PCDHA6: variants seen among roughly 807,000 people sequenced by gnomAD.
PCDHA6 encodes the protein protocadherin alpha-6.
PCDHA6 carries 55 observed loss-of-function variants against 60.3 expected under a neutral mutation model. The observed-to-expected ratio is 0.91, with a 90% CI of 0.73 to 1.14. PCDHA6 has a LOEUF of 1.14. PCDHA6 is among the 50% of genes most tolerant of loss of function. The pLI is 0.00. For synonymous variants in PCDHA6, 652 were observed against 557.9 expected (o/e 1.17, Z -2.38); for missense variants, 1,327 against 1,256.5 (o/e 1.06, Z -0.85).
intron 1 of PCDHA6, among the ~76,000 whole-genome samples, chr5:140,951,795 C>T (rs2094636851): frequency 6.6e-6 from 1 of 152,166 alleles, no homozygotes; most frequent in African/African-American, 2.4e-5. Context: ...ACAATTATCC[C>T]TTCCCAATGG....
At chr5:140,926,598 G>A (rs2083387215) in intron 1 of PCDHA6, 1 of 313,802 alleles carries the variant, frequency 3.2e-6, no homozygotes. Flanking sequence ...CGGGCGGGCG[G>A]CCTCGTCTCT....
At chr5:140,866,433 C>CTGAA (rs1217236180) in intron 1 of PCDHA6, 1 of 151,814 alleles carries the variant, frequency 6.6e-6, no homozygotes, top group Non-Finnish European at 1.5e-5. Context: ...GTCTTTCAGT[C>CTGAA]TTCTTCAGTC....
intron 1 of PCDHA6, chr5:140,883,560 G>C: frequency 6.2e-7 from 1 of 1,614,184 alleles, no homozygotes; most frequent in South Asian, 1.1e-5. Flanking sequence ...CGGGACGGGG[G>C]CTCGCCTTCG....
intron 1 of PCDHA6, chr5:140,834,241 G>A: frequency 1.2e-6 from 1 of 811,066 alleles, no homozygotes; most frequent in East Asian, 2.6e-5. Context: ...ATTCCTTTTC[G>A]CACTGGAAAG....
intron 1 of PCDHA6, chr5:140,856,399 T>A: frequency 6.3e-7 from 1 of 1,598,492 alleles, no homozygotes; most frequent in Admixed American, 1.7e-5. Flanking sequence ...AGGTTTTCCA[T>A]GTGGACGTGG....
chr5:140,882,859 GA>G (rs1554175853), intron 1 of PCDHA6: 4 of 1,614,192 alleles, frequency 2.5e-6, no homozygotes, highest in Non-Finnish European at 3.4e-6. Flanking sequence ...TTGTACTGAG[GA>G]AAACACTGGA....
intron 1 of PCDHA6, among the ~76,000 whole-genome samples, chr5:140,893,497 G>GA (rs1157700367): frequency 4.1e-4 from 62 of 150,170 alleles, no homozygotes; most frequent in African/African-American, 1.2e-3. Context: ...TCACAAAAAA[G>GA]AAAAAAAAAG....
chr5:140,887,197 C>T (rs1348316837), intron 1 of PCDHA6, among the ~76,000 whole-genome samples: 1 of 151,678 alleles, frequency 6.6e-6, no homozygotes, highest in Non-Finnish European at 1.5e-5. Flanking sequence ...CCCGGGTTCA[C>T]GCCATTCTCC....
chr5:140,970,834 T>C lies in PCDHA6; in HGVS notation c.2395-8115T>C, dbSNP rs566411727. 8.6e-5 allele frequency among the ~76,000 whole-genome samples: 13 copies of C among 151,290 alleles called. No homozygotes were observed. The South Asian group carries it at 1.2e-3, about 14-fold the overall frequency. ...AAGTTCATGGTAATCTTGAGGAATG[T>C]AATGCACAGGCACAAAAGTTCCATT... On this transcript the variant is annotated intron_variant, in intron 1 of 3. Transcript: ENST00000529310.
At chr5:140,999,858 C>G (rs1563644401) in intron 3 of PCDHA6, among the ~76,000 whole-genome samples, 3 of 152,170 alleles carry the variant, frequency 2.0e-5, no homozygotes. Context: ...CTCTTCCGCT[C>G]CAAGATTACT....
In PCDHA6 at chr5:140,853,829, C is replaced by T. The variant is rs782020407; in HGVS notation, c.2394+23344C>T. 4.9e-5 allele frequency: 48 copies of T among 986,432 alleles called. 3 individuals carry two copies. Among genetic ancestry groups the T allele is most frequent in the Non-Finnish European group, 5.4e-5 (44 of 818,590 alleles). The allele number at this position is 986,432 out of a possible 1,614,324, so 61.1% of individuals were successfully genotyped here. A position where few individuals can be genotyped will look rare whatever the true frequency, so the allele number is the denominator to read the frequency against. ...ACACCTGAGATGATTCTCATACAACCGAAATTTTAGATCCATAGCCCTATT... is the reference window on the plus strand; with the variant it reads ...ACACCTGAGATGATTCTCATACAACTGAAATTTTAGATCCATAGCCCTATT... On this transcript the variant is annotated intron_variant, in intron 1 of 3. Coordinates refer to ENST00000529310, the MANE Select transcript of PCDHA6 (RefSeq NM_018909.4).
chr5:140,963,365 T>C (rs2095759439), intron 1 of PCDHA6, among the ~76,000 whole-genome samples: 1 of 152,254 alleles, frequency 6.6e-6, no homozygotes. Flanking sequence ...CAAAGAACAT[T>C]AATTGAGCAC....
chr5:140,955,175 A>G (rs1212192227), intron 1 of PCDHA6, among the ~76,000 whole-genome samples: 1 of 152,058 alleles, frequency 6.6e-6, no homozygotes, highest in Non-Finnish European at 1.5e-5. Flanking sequence ...TGGTTACTGT[A>G]GTTTTGTGGT....
intron 1 of PCDHA6, chr5:140,835,213 T>C: frequency 1.3e-6 from 2 of 1,576,900 alleles, no homozygotes; most frequent in Non-Finnish European, 1.7e-6. Context: ...AATGGGGATA[T>C]TATTTACTCC....
chr5:140,845,119 A>C (rs1166318033), intron 1 of PCDHA6, among the ~76,000 whole-genome samples: 4 of 149,728 alleles, frequency 2.7e-5, no homozygotes, highest in African/African-American at 9.8e-5. Flanking sequence ...GTCCATGTTT[A>C]GCATTTTATT....
At chr5:140,917,245 G>A (rs2077971406) in intron 1 of PCDHA6, among the ~76,000 whole-genome samples, 1 of 149,588 alleles carries the variant, frequency 6.7e-6, no homozygotes, top group Non-Finnish European at 1.5e-5. Context: ...TAGGTACTAC[G>A]ATTGCTCACC....
At chr5:140,875,304 A>AC in intron 1 of PCDHA6, 4 of 1,416,396 alleles carry the variant, frequency 2.8e-6, no homozygotes, top group Non-Finnish European at 3.7e-6. Flanking sequence ...TTTTCTCCGC[A>AC]CCCACATTCC....
chr5:140,984,682 A>G (rs2097114582), intron 3 of PCDHA6, among the ~76,000 whole-genome samples: 2 of 152,136 alleles, frequency 1.3e-5, no homozygotes, highest in Non-Finnish European at 2.9e-5. Context: ...AGGACTCAAT[A>G]TATGTTCTGC....
intron 1 of PCDHA6, among the ~76,000 whole-genome samples, chr5:140,904,727 A>G (rs953402398): frequency 7.2e-5 from 11 of 151,992 alleles, no homozygotes; most frequent in African/African-American, 2.4e-4. Flanking sequence ...GCCAACATCT[A>G]TTATTTTTTT....
Sources: allele counts gnomAD v4.1 joint callset (sites outside exome capture counted in the v4.1 genomes callset), GRCh38; gene constraint gnomAD v4.1.1; transcripts MANE v1.5; gene names NCBI Gene and HGNC (gene_info 2026-07-23, HGNC 2026-07-21).